Variants in FAAH2 observed in about 807,000 individuals in gnomAD.
FAAH2 encodes fatty acid amide hydrolase 2.
In FAAH2, 60 loss-of-function variants were observed where a neutral mutation model predicts 36.9. That is an observed-to-expected ratio of 1.63 (90% CI 1.32 to 2.02). The LOEUF (loss-of-function observed/expected upper bound fraction) is 2.02. Among genes scored for constraint, FAAH2 ranks in the 30% most tolerant of loss-of-function variants. The pLI is 0.00. For missense variants in FAAH2, 689 were observed against 397.5 expected, an observed-to-expected ratio of 1.73 and a Z score of -6.23; for synonymous variants, 214 against 143.8, an observed-to-expected ratio of 1.49 and a Z score of -3.49.
rs571117645 is a variant in FAAH2, at chrX:57,376,746, G to A, written c.743-1905G>A. Among the ~76,000 whole-genome samples, 11 of 111,758 alleles carry A rather than the reference G, an allele frequency of 9.8e-5. No homozygotes were observed. In the South Asian group the frequency reaches 3.7e-3, roughly 38 times the overall value. On this transcript the variant is annotated intron_variant, in intron 5 of 10. Transcript: ENST00000374900. ...AATCACCACACTGTCTTCTGCAATG[G>A]TTGAACTAATTTACACTCCAACCAA...
the FAAH2 span, among the ~76,000 whole-genome samples, chrX:57,145,572 C>T: frequency 9.0e-6 from 1 of 111,622 alleles, no homozygotes; most frequent in Non-Finnish European, 1.9e-5. Context: ...TTAAGTCCCA[C>T]TTATTTATTT....
rs773777650 is a variant in FAAH2, at chrX:57,347,324, C to T, written c.742+5934C>T. 7.2e-5 allele frequency among the ~76,000 whole-genome samples: 8 copies of T among 111,418 alleles called. No individual in the cohort carries two copies. The East Asian group carries it at 1.1e-3, about 16-fold the overall frequency. On this transcript the variant is annotated intron_variant, in intron 5 of 10. Coordinates refer to ENST00000374900, the MANE Select transcript of FAAH2 (RefSeq NM_174912.4). ...TTGAAAAACTAGTCTTTGAGCTCTA[C>T]GAATCTTTCCTCAGCTTGGTCTATT...
At chrX:57,405,446 C>G (rs1482738082) in intron 7 of FAAH2, among the ~76,000 whole-genome samples, 2 of 110,245 alleles carry the variant, frequency 1.8e-5, no homozygotes, top group Non-Finnish European at 3.8e-5. Context: ...CATGCAGGAA[C>G]AGTGGTGAGT....
the FAAH2 span, among the ~76,000 whole-genome samples, chrX:57,222,686 C>T: frequency 8.9e-6 from 1 of 111,889 alleles, no homozygotes; most frequent in South Asian, 3.7e-4. Flanking sequence ...AAACCCCCTC[C>T]TACCAATCAC....
rs764554273 is a variant in FAAH2, at chrX:57,323,079, C to T, written c.413-8519C>T. Among the ~76,000 whole-genome samples the T allele has an allele frequency of 1.4e-4, 15 of 110,905 alleles. No homozygotes were observed. The South Asian group carries it at 3.9e-3, about 29-fold the overall frequency. The stretch of plus-strand genomic sequence containing the variant: ...ATTCCCACCTATGAGTAAGAACATG[C>T]GGTGTTTGGTTTTTTGTCTTTGCAA... On this transcript the variant is annotated intron_variant, in intron 3 of 10. Coordinates refer to ENST00000374900, the MANE Select transcript of FAAH2 (RefSeq NM_174912.4).
the FAAH2 span, among the ~76,000 whole-genome samples, chrX:57,219,356 G>T: frequency 9.0e-6 from 1 of 111,573 alleles, no homozygotes; most frequent in South Asian, 3.8e-4. Context: ...GAGGGGCTCA[G>T]GTCTGCATCC....
At chrX:57,394,522 G>A (rs940352479) in intron 7 of FAAH2, 5 of 1,206,419 alleles carry the variant, frequency 4.1e-6, no homozygotes, top group Non-Finnish European at 5.6e-6. Flanking sequence ...GGTTAAGGTT[G>A]TTATACTGAA....
In FAAH2 at chrX:57,377,366, C is replaced by T. The variant is rs185463377; in HGVS notation, c.743-1285C>T. Among the ~76,000 whole-genome samples the T allele has an allele frequency of 4.2e-3, 475 of 112,365 alleles. 2 individuals are homozygous for T. The highest frequency in any genetic ancestry group is 9.2e-3 in the Middle Eastern group (2 of 218). On this transcript the variant is annotated intron_variant, in intron 5 of 10. Transcript: ENST00000374900. ...TCCAGTTTCAGTTTTCCACATATGG[C>T]TAGCCAGTTTTCCCAGCACCATTTA...
rs1202014288 is a variant in FAAH2, at chrX:57,381,615, A to G, written c.996+586A>G. The G allele has an allele frequency of 8.2e-6, 4 of 485,178 alleles. No individual in the cohort carries two copies. In the Admixed American group the frequency reaches 3.7e-4, roughly 44 times the overall value. 40.0% of individuals were successfully genotyped at this position (485,178 alleles called of 1,213,427 possible). A position where few individuals can be genotyped will look rare whatever the true frequency, so the allele number is the denominator to read the frequency against. On this transcript the variant is annotated intron_variant, in intron 7 of 10. Coordinates refer to ENST00000374900, the MANE Select transcript of FAAH2 (RefSeq NM_174912.4). ...ATAATGGTAAAGGGATCAATTCAAC[A>G]AGAAGAGCTAACTACCCTAAATATA...
At chrX:57,318,767 C>A (rs2052923451) in intron 3 of FAAH2, among the ~76,000 whole-genome samples, 1 of 111,813 alleles carries the variant, frequency 8.9e-6, no homozygotes, top group Non-Finnish European at 1.9e-5. Flanking sequence ...ATGCAAAAAT[C>A]CTCAATAAAT....
the FAAH2 span, among the ~76,000 whole-genome samples, chrX:57,243,511 C>G: frequency 8.9e-6 from 1 of 111,927 alleles, no homozygotes; most frequent in African/African-American, 3.3e-5. Flanking sequence ...TGGCTGACAT[C>G]TGGAGGGTGC....
chrX:57,256,317 A>T, the FAAH2 span, among the ~76,000 whole-genome samples: 4 of 111,920 alleles, frequency 3.6e-5, no homozygotes, highest in South Asian at 1.5e-3. Context: ...GGATAGAAGG[A>T]ACCAATATTG....
intron 8 of FAAH2, among the ~76,000 whole-genome samples, chrX:57,439,145 T>C (rs1488188566): frequency 9.1e-6 from 1 of 110,172 alleles, no homozygotes; most frequent in Non-Finnish European, 1.9e-5. Context: ...TCAAATGGTA[T>C]TTCTAGTTCT....
chrX:57,295,622 T>C (rs948583668), intron 2 of FAAH2, among the ~76,000 whole-genome samples: 9 of 111,816 alleles, frequency 8.0e-5, no homozygotes, highest in African/African-American at 2.6e-4. Context: ...GGACAGTGGG[T>C]GCAGTGCACC....
chrX:57,281,863 T>A (rs907294809), upstream of FAAH2, among the ~76,000 whole-genome samples: 2 of 111,939 alleles, frequency 1.8e-5, no homozygotes, highest in Admixed American at 9.5e-5. Context: ...GATAAGGGCC[T>A]CCAGCTCCAT....
the FAAH2 span, among the ~76,000 whole-genome samples, chrX:57,208,772 G>T: frequency 4.4e-4 from 49 of 112,017 alleles, no homozygotes; most frequent in Admixed American, 1.1e-3. Flanking sequence ...GGAAACAAAG[G>T]GATGGGCCAT....
chrX:57,350,880 T>C (rs1211398008), intron 5 of FAAH2, among the ~76,000 whole-genome samples: 1 of 111,486 alleles, frequency 9.0e-6, no homozygotes, highest in Non-Finnish European at 1.9e-5. Context: ...TAGATTGCAA[T>C]ACAATAATAA....
intron 2 of FAAH2, among the ~76,000 whole-genome samples, chrX:57,293,621 C>A (rs2052049826): frequency 9.0e-6 from 1 of 111,696 alleles, no homozygotes; most frequent in South Asian, 3.7e-4. Flanking sequence ...TTTGGGGGTA[C>A]TTTTGGGGCA....
intron 7 of FAAH2, among the ~76,000 whole-genome samples, chrX:57,400,903 A>G (rs1602539219): frequency 9.0e-6 from 1 of 111,702 alleles, no homozygotes; most frequent in East Asian, 2.8e-4. Flanking sequence ...CGGGCAGATC[A>G]CAAGGTCAGG....
Sources: allele counts gnomAD v4.1 joint callset (sites outside exome capture counted in the v4.1 genomes callset), GRCh38; gene constraint gnomAD v4.1.1; transcripts MANE v1.5; gene names NCBI Gene and HGNC (gene_info 2026-07-23, HGNC 2026-07-21).